THADA: variants seen among roughly 807,000 people sequenced by gnomAD.
THADA encodes the protein THADA armadillo repeat containing, also known as tRNA (32-2'-O)-methyltransferase regulator THADA.
Under a neutral mutation model 219.8 loss-of-function variants are expected in THADA, and 213 were observed. The observed-to-expected ratio is 0.97, with a 90% CI of 0.87 to 1.09. THADA has a LOEUF of 1.09. THADA is among the 50% of genes least tolerant of loss of function. The pLI, the probability that THADA is intolerant of heterozygous loss-of-function variation, is 0.00. For synonymous variants in THADA, 1,018 were observed against 828.9 expected (o/e 1.23, Z -3.92); for missense variants, 2,956 against 2,311.3 (o/e 1.28, Z -5.72).
Position 43,388,832 on chromosome 2 carries a change from A to G in THADA, c.4227+9139T>C, listed in dbSNP as rs148853920. ...AATAGGAATCCTCATGTTTTACAGTATTATTTCAATGTACAACATTAATTT... is the reference window on the plus strand; with the variant it reads ...AATAGGAATCCTCATGTTTTACAGTGTTATTTCAATGTACAACATTAATTT... On this transcript the variant is annotated intron_variant, in intron 29 of 37. Transcript: ENST00000405975. Among the ~76,000 whole-genome samples the G allele has an allele frequency of 3.7e-3, 564 of 152,314 alleles. 11 individuals carry two copies. The highest frequency in any genetic ancestry group is 5.9e-3 in the Non-Finnish European group (399 of 68,028).
chr2:43,304,524 C>G (rs1225375919), intron 31 of THADA, among the ~76,000 whole-genome samples: 1 of 152,194 alleles, frequency 6.6e-6, no homozygotes, highest in Non-Finnish European at 1.5e-5. Flanking sequence ...ATGTTCTTCC[C>G]TCTGCCTCAA....
chr2:43,270,277 C>T (rs1009694066), intron 36 of THADA, among the ~76,000 whole-genome samples: 2 of 152,130 alleles, frequency 1.3e-5, no homozygotes, highest in Non-Finnish European at 2.9e-5. Flanking sequence ...GGCTCTAAAA[C>T]CCTCGAGTCC....
At chr2:43,292,076 G>A (rs1406134746) in intron 33 of THADA, 28 bp downstream of exon 33, 1 of 1,478,710 alleles carries the variant, frequency 6.8e-7, no homozygotes, top group East Asian at 2.3e-5. Flanking sequence ...ATCTTACCAA[G>A]GTTGCACAGG....
At chr2:43,439,298 C>T (rs1321716000) in intron 26 of THADA, among the ~76,000 whole-genome samples, 1 of 152,148 alleles carries the variant, frequency 6.6e-6, no homozygotes, top group East Asian at 1.9e-4. Context: ...AAAGATCACA[C>T]TCGTTTAACT....
At chr2:43,477,701 C>T (rs1685705291) in intron 26 of THADA, among the ~76,000 whole-genome samples, 1 of 152,222 alleles carries the variant, frequency 6.6e-6, no homozygotes, top group Non-Finnish European at 1.5e-5. Context: ...AGTCTCCTGA[C>T]ATGTCTGTTT....
intron 3 of THADA, 47 bp from the exon 4 acceptor site, chr2:43,591,001 A>C: frequency 4.5e-6 from 7 of 1,558,980 alleles, no homozygotes; most frequent in Non-Finnish European, 6.2e-6. Context: ...CAAATATAGC[A>C]AAGTAACATG....
intron 29 of THADA, among the ~76,000 whole-genome samples, chr2:43,367,625 A>G (rs1202516880): frequency 6.6e-6 from 1 of 152,176 alleles, no homozygotes; most frequent in Non-Finnish European, 1.5e-5. Context: ...TTGAAATACC[A>G]AGGTCTGTCA....
At chr2:43,369,319 A>G (rs1395032753) in intron 29 of THADA, among the ~76,000 whole-genome samples, 1 of 152,202 alleles carries the variant, frequency 6.6e-6, no homozygotes, top group Non-Finnish European at 1.5e-5. Flanking sequence ...CCTAGAGTGG[A>G]ACAAGTGATA....
At chr2:43,504,632 C>A (rs1231332053) in intron 24 of THADA, among the ~76,000 whole-genome samples, 2 of 152,198 alleles carry the variant, frequency 1.3e-5, no homozygotes, top group African/African-American at 4.8e-5. Flanking sequence ...GTAATCCTAG[C>A]ACTTTGGAAG....
intron 22 of THADA, among the ~76,000 whole-genome samples, chr2:43,517,288 GA>G (rs1472337009): frequency 8.5e-5 from 13 of 152,048 alleles, no homozygotes; most frequent in Admixed American, 2.0e-4. Context: ...GTAGCCTGAA[GA>G]AATTACTTCA....
At chr2:43,340,341 T>A (rs985568235) in intron 30 of THADA, among the ~76,000 whole-genome samples, 1 of 152,220 alleles carries the variant, frequency 6.6e-6, no homozygotes, top group African/African-American at 2.4e-5. Context: ...TGGCTATTGC[T>A]TAATCACCTC....
intron 16 of THADA, among the ~76,000 whole-genome samples, chr2:43,559,698 G>A (rs553313487): frequency 6.6e-6 from 1 of 152,334 alleles, no homozygotes; most frequent in South Asian, 2.1e-4. Context: ...CAGGAAGAAT[G>A]GAGGGGCTGG....
intron 24 of THADA, among the ~76,000 whole-genome samples, chr2:43,501,448 A>T (rs1688966814): frequency 6.6e-6 from 1 of 151,996 alleles, no homozygotes; most frequent in African/African-American, 2.4e-5. Context: ...TAAAAAGATA[A>T]TTTTTCCCAA....
At chr2:43,335,266 CT>C (rs1448441617) in intron 30 of THADA, among the ~76,000 whole-genome samples, 1 of 152,134 alleles carries the variant, frequency 6.6e-6, no homozygotes, top group Non-Finnish European at 1.5e-5. Flanking sequence ...CATAAAAACA[CT>C]GGATAGATGG....
chr2:43,392,695 A>G (rs1321073898), intron 29 of THADA, among the ~76,000 whole-genome samples: 1 of 152,016 alleles, frequency 6.6e-6, no homozygotes, highest in South Asian at 2.1e-4. Context: ...TCCAGACTCA[A>G]GCAGAAATGG....
intron 12 of THADA, among the ~76,000 whole-genome samples, chr2:43,572,431 T>C (rs905840179): frequency 3.3e-5 from 5 of 152,212 alleles, no homozygotes; most frequent in African/African-American, 1.2e-4. Flanking sequence ...CCCTCCATTT[T>C]GTATGCTGCT....
At chr2:43,340,396 G>A (rs1558607204) in intron 30 of THADA, among the ~76,000 whole-genome samples, 1 of 152,106 alleles carries the variant, frequency 6.6e-6, no homozygotes, top group Non-Finnish European at 1.5e-5. Flanking sequence ...ACAAATATAG[G>A]ACAAAAGTCT....
chr2:43,286,823 T>C (rs1674077223), intron 35 of THADA, 85 bp downstream of exon 35: 1 of 1,508,906 alleles, frequency 6.6e-7, no homozygotes, highest in Admixed American at 1.8e-5. Context: ...GTTGCCATCT[T>C]TCACCTTCCC....
chr2:43,310,528 G>A (rs1366807681), intron 31 of THADA, among the ~76,000 whole-genome samples: 2 of 152,102 alleles, frequency 1.3e-5, no homozygotes, highest in Non-Finnish European at 2.9e-5. Context: ...TAGGACAAAT[G>A]GATAGTCACA....
Sources: allele counts gnomAD v4.1 joint callset (sites outside exome capture counted in the v4.1 genomes callset), GRCh38; gene constraint gnomAD v4.1.1; transcripts MANE v1.5; gene names NCBI Gene and HGNC (gene_info 2026-07-23, HGNC 2026-07-21).